GBP2: variants seen among roughly 807,000 people sequenced by gnomAD.
GBP2 encodes the protein guanylate-binding protein 2.
GBP2 carries 54 observed loss-of-function variants against 60.8 expected under a neutral mutation model. The observed-to-expected ratio is 0.89, with a 90% confidence interval of 0.71 to 1.11. The LOEUF (loss-of-function observed/expected upper bound fraction) is 1.11. Ranked by LOEUF, GBP2 falls within the 50% of genes most tolerant of loss-of-function variation. The pLI is 0.00. For missense variants in GBP2, 665 were observed against 703.3 expected (o/e 0.95, Z 0.62); for synonymous variants, 243 against 256.5 (o/e 0.95, Z 0.50).
At chr1:89,109,613 A>G in intron 10 of GBP2, 64 bp downstream of exon 10, 2 of 1,495,722 alleles carry the variant, frequency 1.3e-6, no homozygotes, top group Admixed American at 1.8e-5. Context: ...TAGGTTCTCA[A>G]CCTTATACTT....
chr1:89,118,072 T>A (rs1220792974), intron 4 of GBP2: 1 of 208,260 alleles, frequency 4.8e-6, no homozygotes, highest in Non-Finnish European at 9.5e-6. Context: ...CAGGTATTGA[T>A]AACAATTGTC....
In GBP2 at chr1:89,121,830, A is replaced by G. The variant is rs1557443083; in HGVS notation, c.137T>C (p.Leu46Pro). 6.2e-7 allele frequency: 1 copy of G among 1,614,084 alleles called. No homozygotes were observed. Among genetic ancestry groups the G allele is most frequent in the East Asian group, 2.2e-5 (1 of 44,874 alleles). Residue 46 changes from leucine to proline, a missense_variant, in exon 2 of 11, where the codon CTC becomes CCC. Coordinates refer to ENST00000370466, the MANE Select transcript of GBP2 (RefSeq NM_004120.5). Reference protein sequence around the residue: ...QPVVVVAIVGLYRTGKSYLMN... With the variant: ...QPVVVVAIVGPYRTGKSYLMN... ...CAGGTAGGATTTGCCTGTGCGATAG[A>G]GGCCCACAATCGCCACCACCACCAC...
At position 89,123,733 on chromosome 1, in the gene GBP2, G is replaced by A. The variant is rs148159750; in HGVS notation, c.-17-1750C>T. 1.1e-3 allele frequency among the ~76,000 whole-genome samples: 161 copies of A among 152,224 alleles called. 1 individual carries two copies. Among genetic ancestry groups the A allele is most frequent in the African/African-American group, 3.7e-3 (154 of 41,530 alleles). ...TGTAATATAGTTAGGTTCATTTGTTGGTTGATTTTAAGTATGCATTTATTT... is the reference window on the plus strand; with the variant it reads ...TGTAATATAGTTAGGTTCATTTGTTAGTTGATTTTAAGTATGCATTTATTT... On this transcript the variant is annotated intron_variant, in intron 1 of 10. Transcript: ENST00000370466.
At chr1:89,116,798 T>C (rs1681281608) in intron 6 of GBP2, among the ~76,000 whole-genome samples, 194 bp downstream of exon 6, 1 of 152,186 alleles carries the variant, frequency 6.6e-6, no homozygotes, top group African/African-American at 2.4e-5. Context: ...TTTATTCTCC[T>C]TGCAAGGAAT....
rs749031427 is a variant in GBP2, at chr1:89,121,908, T to G, written c.59A>C (p.Gln20Pro). The G allele has an allele frequency of 5.6e-6, 9 of 1,614,010 alleles. No homozygotes were observed. The highest frequency in any genetic ancestry group is 3.3e-5 in the South Asian group (3 of 91,090). Residue 20 changes from glutamine (Q) to proline (P), a missense_variant, in exon 2 of 11, where the codon CAG (glutamine) becomes CCG (proline). By Grantham distance (76) the Gln-to-Pro change is moderately conservative. Transcript: ENST00000370466. ...CAGAGCTTCTGGATTCACCACCAGC[T>G]GCCCTTTAGTGTTATCAATGAGGCT... is the stretch of plus-strand genomic sequence containing the variant. ...PMSLIDNTKG[Q>P]LVVNPEALKI...
chr1:89,124,874 ATAT>A (rs1241639201), intron 1 of GBP2, among the ~76,000 whole-genome samples: 43 of 152,186 alleles, frequency 2.8e-4, no homozygotes, highest in African/African-American at 1.0e-3. Context: ...ACCTGCATGT[ATAT>A]CAGTTTGCAT....
At chr1:89,112,867 TTC>T (rs779706176) in intron 7 of GBP2, 183 bp from the exon 8 acceptor site, 18 of 589,896 alleles carry the variant, frequency 3.1e-5, no homozygotes, top group Non-Finnish European at 5.1e-5. Context: ...ATTTATCTAC[TTC>T]TCTGTTTGTG....
intron 6 of GBP2, among the ~76,000 whole-genome samples, chr1:89,115,951 A>G (rs1225421236): frequency 6.6e-6 from 1 of 151,936 alleles, no homozygotes; most frequent in Non-Finnish European, 1.5e-5. Context: ...GCATTTCCAC[A>G]TTACATTATT....
At chr1:89,125,571 A>G (rs1386361263) in intron 1 of GBP2, among the ~76,000 whole-genome samples, 6 of 150,042 alleles carry the variant, frequency 4.0e-5, no homozygotes, top group Non-Finnish European at 8.8e-5. Flanking sequence ...GCAATAATGA[A>G]TGTGATGGAG....
Position 89,108,264 on chromosome 1 carries a change from A to G in GBP2, c.1687T>C (p.Phe563Leu). 1 of 1,612,752 alleles carries G rather than the reference A, an allele frequency of 6.2e-7. No homozygotes were observed. The change falls in exon 11 of 11, where the codon TTC becomes CTC. Residue 563 changes from phenylalanine (F) to leucine (L), a missense_variant. By Grantham distance (22) the Phe-to-Leu change is conservative. Coordinates refer to ENST00000370466, the MANE Select transcript of GBP2 (RefSeq NM_004120.5). ...TGAAGTCTCTTGCTCTCATTCTCGA[A>G]TCCCTCCTTGAGAAGGCGTTCCTGT... ...QEQERLLKEG[F>L]ENESKRLQKD...
chr1:89,121,960 G>A lies in GBP2; in HGVS notation c.7C>T (p.Pro3Ser). The A allele has an allele frequency of 3.1e-6, 5 of 1,612,210 alleles. No individual in the cohort carries two copies. The highest frequency in any genetic ancestry group is 4.2e-6 in the Non-Finnish European group (5 of 1,178,860). Residue 3 changes from proline to serine, a missense_variant, in exon 2 of 11, where the codon CCA (proline) becomes TCA (serine). Pro to Ser is a moderately conservative substitution (Grantham distance 74). Transcript: ENST00000370466. ...ATTGGGCCCGGCAAGTTGATCTCTG[G>A]AGCCATGTCCAGGGTGTTGTTCCCT... MA[P>S]EINLPGPMSL...
At chr1:89,124,409 A>AT (rs1442725541) in intron 1 of GBP2, among the ~76,000 whole-genome samples, 2 of 151,934 alleles carry the variant, frequency 1.3e-5, no homozygotes, top group Non-Finnish European at 2.9e-5. Context: ...GATATGTCAC[A>AT]TTTTCTGACT....
Position 89,110,153 on chromosome 1 carries a change from GC to G in GBP2, c.1465+10del. On this transcript the variant is annotated intron_variant, in intron 9 of 10. Transcript: ENST00000370466. ...TTTCCGACCATGTAGAGTGTTTTCAGCTGTTCTCACCTTCAATCGCTTTTTC... is the reference window on the plus strand; with the variant it reads ...TTTCCGACCATGTAGAGTGTTTTCAGTGTTCTCACCTTCAATCGCTTTTTC... 6.3e-7 allele frequency: 1 copy of G among 1,594,114 alleles called. No homozygotes were observed. Among genetic ancestry groups the G allele is most frequent in the Non-Finnish European group, 8.6e-7 (1 of 1,162,912 alleles).
intron 1 of GBP2, among the ~76,000 whole-genome samples, chr1:89,125,248 T>A (rs1365951784): frequency 1.3e-5 from 2 of 152,222 alleles, no homozygotes; most frequent in Non-Finnish European, 2.9e-5. Context: ...GTCGATTACT[T>A]CTGACTTGCT....
chr1:89,114,048 C>T lies in GBP2; in HGVS notation c.1117G>A (p.Asp373Asn), dbSNP rs779945969. ...TTCCTCTGGAACATTTGGTCCACAT[C>T]CTTGAAAGAGTTCTTCATGAAGACT... is the stretch of plus-strand genomic sequence containing the variant. ...IEVFMKNSFK[D>N]VDQMFQRKLG... The change falls in exon 7 of 11, where the codon GAT (aspartate) becomes AAT (asparagine). Residue 373 changes from aspartate (D) to asparagine (N), a missense_variant. Coordinates refer to ENST00000370466, the MANE Select transcript of GBP2 (RefSeq NM_004120.5). The T allele has an allele frequency of 6.2e-7, 1 of 1,614,236 alleles. No homozygotes were observed. The highest frequency in any genetic ancestry group is 2.2e-5 in the East Asian group (1 of 44,884).
intron 1 of GBP2, 109 bp from the exon 2 acceptor site, chr1:89,122,092 CA>C: frequency 1.5e-6 from 1 of 686,034 alleles, no homozygotes; most frequent in Non-Finnish European, 2.3e-6. Context: ...AACATTTTTT[CA>C]TATACGTTTT....
chr1:89,121,388 ATCTT>A (rs1681394753), intron 2 of GBP2, 118 bp from the exon 3 acceptor site: 1 of 869,934 alleles, frequency 1.1e-6, no homozygotes, highest in Admixed American at 2.9e-5. Flanking sequence ...ACTGGCATAA[ATCTT>A]AATTACAATC....
chr1:89,118,410 T>G (rs564346868), intron 4 of GBP2: 1 of 152,186 alleles, frequency 6.6e-6, no homozygotes, highest in East Asian at 1.9e-4. Context: ...AGAAATCCAG[T>G]GTGGTAGGGC....
At chr1:89,109,536 G>A in intron 10 of GBP2, 141 bp downstream of exon 10, 3 of 635,682 alleles carry the variant, frequency 4.7e-6, no homozygotes, top group Non-Finnish European at 5.4e-6. Flanking sequence ...GAGATGACTG[G>A]CATAAAAATA....
Sources: gnomAD v4.1 joint callset for allele counts (sites outside exome capture counted in the v4.1 genomes callset) on GRCh38, gnomAD v4.1.1 for gene constraint, MANE v1.5 for transcripts, NCBI Gene and HGNC (gene_info 2026-07-23, HGNC 2026-07-21) for gene names.